Variants in SH3PXD2A observed in about 807,000 individuals in gnomAD.
SH3PXD2A encodes SH3 and PX domain-containing protein 2A.
In SH3PXD2A, 32 loss-of-function variants were observed where a neutral mutation model predicts 115.2. That is an observed-to-expected ratio of 0.28 (90% CI 0.21 to 0.37). SH3PXD2A has a LOEUF of 0.37. Ranked by LOEUF, SH3PXD2A falls within the 10% of genes least tolerant of loss-of-function variation. The pLI is 1.00. For missense variants in SH3PXD2A, 1,328 were observed against 1,498.7 expected (o/e 0.89, Z 1.88); for synonymous variants, 610 against 629.1 (o/e 0.97, Z 0.45).
intron 1 of SH3PXD2A, among the ~76,000 whole-genome samples, chr10:103,846,881 A>C (rs535539603): frequency 1.3e-4 from 20 of 152,336 alleles, no homozygotes; most frequent in Admixed American, 1.2e-3. Context: ...CTCCACATGC[A>C]GCTCATCAGC....
At chr10:103,670,400 T>A (rs1182143601) in intron 6 of SH3PXD2A, among the ~76,000 whole-genome samples, 1 of 152,206 alleles carries the variant, frequency 6.6e-6, no homozygotes, top group East Asian at 1.9e-4. Flanking sequence ...TAGTGCCCAG[T>A]GCAGTGCCTA....
At chr10:103,736,841 C>T (rs1564876661) in intron 3 of SH3PXD2A, 1 of 1,184,104 alleles carries the variant, frequency 8.4e-7, no homozygotes, top group African/African-American at 1.6e-5. Context: ...GAGAAGGCAT[C>T]TTCCACTCCC....
intron 5 of SH3PXD2A, among the ~76,000 whole-genome samples, chr10:103,695,532 G>A (rs1232992772): frequency 6.7e-6 from 1 of 149,324 alleles, no homozygotes; most frequent in Non-Finnish European, 1.5e-5. Context: ...AAAAAAAAGA[G>A]TGGGGAAGAC....
At position 103,602,460 on chromosome 10, in the gene SH3PXD2A, C is replaced by T. The variant is rs371255618; in HGVS notation, c.2758G>A (p.Glu920Lys). ...TTCTCCAGGCTGTCTGATTTGCCTT[C>T]GTTCTGCCTGCCCTTGGCGGGCACT... ...DTVPAKGRQN[E>K]GKSDSLEKIE... The change falls in exon 15 of 15, where the codon GAA becomes AAA. Residue 920 changes from glutamate to lysine, a missense_variant. By Grantham distance (56) the Glu-to-Lys change is moderately conservative (BLOSUM62 1). Around this residue, in one of 5 missense-constraint regions of SH3PXD2A, gnomAD observed 574 missense variants for 565.7 expected, o/e 1.01. Transcript: ENST00000369774. 2.2e-5 allele frequency: 35 copies of T among 1,614,048 alleles called. No individual in the cohort carries two copies. The Middle Eastern group carries it at 8.2e-4, about 38-fold the overall frequency.
chr10:103,844,258 G>T (rs962635613), intron 1 of SH3PXD2A, among the ~76,000 whole-genome samples: 2 of 152,166 alleles, frequency 1.3e-5, no homozygotes, highest in Non-Finnish European at 1.5e-5. Flanking sequence ...CTGCGCTGAG[G>T]GCTCAACTAA....
At chr10:103,744,256 C>T (rs919169626) in intron 3 of SH3PXD2A, among the ~76,000 whole-genome samples, 3 of 151,594 alleles carry the variant, frequency 2.0e-5, no homozygotes, top group South Asian at 2.1e-4. Context: ...CGGGTTCAAG[C>T]GATTCTCCTG....
At position 103,620,883 on chromosome 10, in the gene SH3PXD2A, C is replaced by A. The variant is rs973342803; in HGVS notation, c.802+1587G>T. ...GTTGTGTGTATGAAGCTGTATGTGC[C>A]CTTGTGAGTGTTGCTGTGGAGGAAT... On this transcript the variant is annotated intron_variant, in intron 10 of 14. Coordinates refer to ENST00000369774, the MANE Select transcript of SH3PXD2A (RefSeq NM_001394015.1). This position sits in a 1 kb window ranked among gnomAD's most constrained non-coding sequence, Gnocchi z 5.3. Among the ~76,000 whole-genome samples, 29 of 151,960 alleles carry A rather than the reference C, an allele frequency of 1.9e-4. No homozygotes were observed. Among genetic ancestry groups the A allele is most frequent in the African/African-American group, 7.0e-4 (29 of 41,344 alleles).
chr10:103,753,654 C>T (rs1443508295), intron 3 of SH3PXD2A, among the ~76,000 whole-genome samples: 2 of 152,102 alleles, frequency 1.3e-5, no homozygotes, highest in Non-Finnish European at 2.9e-5. Flanking sequence ...GTCAAGTAGA[C>T]TTGTCATTAA....
intron 9 of SH3PXD2A, among the ~76,000 whole-genome samples, chr10:103,625,010 G>A (rs1564847251): frequency 1.3e-5 from 2 of 152,126 alleles, no homozygotes; most frequent in Non-Finnish European, 2.9e-5. Flanking sequence ...GGGCACGCAT[G>A]CACGCGCACA....
intron 1 of SH3PXD2A, among the ~76,000 whole-genome samples, chr10:103,845,749 G>A (rs781261975): frequency 6.6e-6 from 1 of 152,094 alleles, no homozygotes; most frequent in African/African-American, 2.4e-5. Flanking sequence ...GGTCTGGATC[G>A]GGACCCCTTT....
chr10:103,602,351 C>A lies in SH3PXD2A; in HGVS notation c.2867G>T (p.Gly956Val). The A allele has an allele frequency of 1.2e-6, 2 of 1,613,162 alleles. No homozygotes were observed. The highest frequency in any genetic ancestry group is 1.7e-6 in the Non-Finnish European group (2 of 1,179,554). Residue 956 changes from glycine to valine, a missense_variant, in exon 15 of 15, where the codon GGC becomes GTC. Coordinates refer to ENST00000369774, the MANE Select transcript of SH3PXD2A (RefSeq NM_001394015.1). ...TPPIPSKPPG[G>V]FGKTSGTPAV... is the part of the protein sequence containing the mutation. ...TGGAGTGCCTGAGGTCTTGCCGAAG[C>A]CCCCGGGAGGTTTGGAGGGGATGGG...
At chr10:103,815,007 G>T (rs1221958162) in intron 1 of SH3PXD2A, among the ~76,000 whole-genome samples, 1 of 152,058 alleles carries the variant, frequency 6.6e-6, no homozygotes, top group Non-Finnish European at 1.5e-5. Flanking sequence ...GGGCTCTTCA[G>T]TTTGACTCAG....
At chr10:103,809,018 C>T (rs1421437890) in intron 1 of SH3PXD2A, among the ~76,000 whole-genome samples, 1 of 152,228 alleles carries the variant, frequency 6.6e-6, no homozygotes, top group Non-Finnish European at 1.5e-5. Context: ...TCTTTGCCAA[C>T]CTAAAACCCT....
chr10:103,679,259 C>A (rs1262569747), intron 6 of SH3PXD2A, among the ~76,000 whole-genome samples: 1 of 152,234 alleles, frequency 6.6e-6, no homozygotes, highest in Non-Finnish European at 1.5e-5. Context: ...ACAAGGACCT[C>A]ATTGTCTCCA....
chr10:103,615,252 G>T (rs917159284), intron 11 of SH3PXD2A, among the ~76,000 whole-genome samples: 1 of 152,228 alleles, frequency 6.6e-6, no homozygotes, highest in African/African-American at 2.4e-5. Context: ...GCTATGGGGA[G>T]AGGGGGCTCA....
chr10:103,784,348 C>T lies in SH3PXD2A; in HGVS notation c.153+16934G>A, dbSNP rs2038960883. The stretch of plus-strand genomic sequence containing the variant: ...TGGATGCCCGTGCCTGGAGCGCCTT[C>T]CCAGCCTACCTGAACCCCAGCCCTT... On this transcript the variant is annotated intron_variant, in intron 2 of 14. Coordinates refer to ENST00000369774, the MANE Select transcript of SH3PXD2A (RefSeq NM_001394015.1). The surrounding 1 kb of genome is among the most constrained non-coding windows in gnomAD (Gnocchi z 4.4). Among the ~76,000 whole-genome samples the T allele has an allele frequency of 6.6e-6, 1 of 152,218 alleles. No homozygotes were observed. Among genetic ancestry groups the T allele is most frequent in the Admixed American group, 6.5e-5 (1 of 15,288 alleles).
intron 1 of SH3PXD2A, among the ~76,000 whole-genome samples, chr10:103,836,941 T>C (rs2039548907): frequency 6.6e-6 from 1 of 152,124 alleles, no homozygotes. Flanking sequence ...TCCGTTTCCT[T>C]AGACACTTAC....
At chr10:103,656,715 A>T (rs759360969) in intron 8 of SH3PXD2A, among the ~76,000 whole-genome samples, 2 of 151,834 alleles carry the variant, frequency 1.3e-5, no homozygotes, top group Non-Finnish European at 2.9e-5. Context: ...CTGTAATCCC[A>T]ACTACTTGGA....
intron 6 of SH3PXD2A, among the ~76,000 whole-genome samples, chr10:103,671,195 G>A (rs1490725795): frequency 1.7e-4 from 26 of 152,234 alleles, no homozygotes; most frequent in Admixed American, 1.7e-3. Flanking sequence ...ACAGGTGCTT[G>A]CAAAGGGCCA....
Sources: allele counts gnomAD v4.1 joint callset (sites outside exome capture counted in the v4.1 genomes callset), GRCh38; gene constraint gnomAD v4.1.1; regional missense constraint gnomAD v4.1.1; non-coding constraint Gnocchi (gnomAD v3.1); transcripts MANE v1.5; gene names NCBI Gene and HGNC (gene_info 2026-07-23, HGNC 2026-07-21).